Variants in LTBP1 observed in about 807,000 individuals in gnomAD.
LTBP1 encodes the protein latent transforming growth factor beta binding protein 1.
LTBP1 carries 129 observed loss-of-function variants against 207.6 expected under a neutral mutation model. The ratio of observed to expected loss-of-function variants is 0.62; its 90% CI spans 0.54 to 0.72. LTBP1 has a LOEUF of 0.72. Among genes scored for constraint, LTBP1 ranks in the 30% least tolerant of loss-of-function variants. The probability of loss-of-function intolerance (pLI) is 0.00; values close to 1 mark genes in which losing one functional copy is unlikely to be tolerated. For missense variants in LTBP1, 2,281 were observed against 2,217.2 expected, an observed-to-expected ratio of 1.03 and a Z score of -0.58; for synonymous variants, 963 against 833.7, an observed-to-expected ratio of 1.16 and a Z score of -2.67.
At position 33,368,513 on chromosome 2, in the gene LTBP1, T is replaced by A. The variant is rs1478129763; in HGVS notation, c.4711+3010T>A. ...TGCAATGAACCTCCATGTATGCGTC[T>A]GCAGGAATGGCTTAGTAAGAAAATT... On this transcript the variant is annotated intron_variant, in intron 31 of 33. Transcript: ENST00000404816. Among the ~76,000 whole-genome samples, 3 of 152,242 alleles carry A rather than the reference T, an allele frequency of 2.0e-5. No homozygotes were observed. The South Asian group carries it at 6.2e-4, about 32-fold the overall frequency.
intron 5 of LTBP1, among the ~76,000 whole-genome samples, chr2:33,172,232 C>T (rs1250228425): frequency 6.6e-6 from 1 of 152,152 alleles, no homozygotes; most frequent in African/African-American, 2.4e-5. Flanking sequence ...AGTCAAGACC[C>T]ATCAGTGTGC....
intron 3 of LTBP1, among the ~76,000 whole-genome samples, chr2:33,071,501 C>T (rs1258413525): frequency 1.3e-5 from 2 of 152,066 alleles, no homozygotes; most frequent in Non-Finnish European, 2.9e-5. Flanking sequence ...TTAGAGGCTG[C>T]CTTGCACAGC....
chr2:32,979,917 A>G (rs927091967), intron 2 of LTBP1, among the ~76,000 whole-genome samples: 2 of 152,028 alleles, frequency 1.3e-5, no homozygotes, highest in Non-Finnish European at 2.9e-5. Context: ...TTATATCCCT[A>G]TATAATGACT....
At chr2:33,018,318 C>T (rs2038535) in intron 2 of LTBP1, among the ~76,000 whole-genome samples, 2 of 151,930 alleles carry the variant, frequency 1.3e-5, no homozygotes, top group Admixed American at 6.6e-5. Context: ...TTGGCCTCCC[C>T]CTAGGTGCCA....
Position 33,188,172 on chromosome 2 carries a change from G to A in LTBP1, c.1427-405G>A, listed in dbSNP as rs191409963. ...ACGGTGGCTCACGCCTGTAATCCCAGCACTTTGGGAGGCCAAGGCAGGCGG... is the reference window on the plus strand; with the variant it reads ...ACGGTGGCTCACGCCTGTAATCCCAACACTTTGGGAGGCCAAGGCAGGCGG... On this transcript the variant is annotated intron_variant, in intron 6 of 33. Coordinates refer to ENST00000404816, the MANE Select transcript of LTBP1 (RefSeq NM_206943.4). 2.8e-3 allele frequency among the ~76,000 whole-genome samples: 423 copies of A among 152,270 alleles called. 3 individuals carry two copies. Among genetic ancestry groups the A allele is most frequent in the African/African-American group, 9.9e-3 (411 of 41,558 alleles).
At chr2:33,393,112 C>T (rs1394130967) in intron 32 of LTBP1, among the ~76,000 whole-genome samples, 1 of 151,764 alleles carries the variant, frequency 6.6e-6, no homozygotes. Context: ...GGCAACATGT[C>T]ATGGGGGTTA....
chr2:33,111,197 G>C (rs968048326), intron 4 of LTBP1, among the ~76,000 whole-genome samples: 1 of 152,158 alleles, frequency 6.6e-6, no homozygotes, highest in African/African-American at 2.4e-5. Context: ...CTAGTTTTTA[G>C]TGTATCAAGC....
At chr2:33,122,034 C>T (rs147082020) in intron 4 of LTBP1, among the ~76,000 whole-genome samples, 2 of 151,720 alleles carry the variant, frequency 1.3e-5, no homozygotes, top group Admixed American at 1.3e-4. Flanking sequence ...ACCCTGCCCC[C>T]CTCCACACAC....
At chr2:33,261,732 A>G (rs1490824277) in intron 13 of LTBP1, among the ~76,000 whole-genome samples, 1 of 152,210 alleles carries the variant, frequency 6.6e-6, no homozygotes, top group African/African-American at 2.4e-5. Context: ...GGCTGGAGGT[A>G]TCTGTGGGAT....
intron 15 of LTBP1, among the ~76,000 whole-genome samples, chr2:33,265,558 A>C (rs1487978828): frequency 6.6e-6 from 1 of 152,208 alleles, no homozygotes; most frequent in East Asian, 1.9e-4. Flanking sequence ...ATATAGCAGG[A>C]AGTAGTCATA....
intron 2 of LTBP1, among the ~76,000 whole-genome samples, chr2:32,980,166 GTTGTTA>G (rs1267186818): frequency 6.6e-6 from 1 of 151,996 alleles, no homozygotes; most frequent in African/African-American, 2.4e-5. Flanking sequence ...TACATTCAGT[GTTGTTA>G]TTGTTAAGTA....
chr2:33,078,309 G>C (rs2078193643), intron 3 of LTBP1, among the ~76,000 whole-genome samples: 1 of 152,186 alleles, frequency 6.6e-6, no homozygotes, highest in African/African-American at 2.4e-5. Flanking sequence ...ATTCTGGAGG[G>C]TGGAGTTGAC....
intron 5 of LTBP1, among the ~76,000 whole-genome samples, chr2:33,149,251 A>AG (rs2083321824): frequency 4.7e-5 from 7 of 150,366 alleles, no homozygotes; most frequent in Non-Finnish European, 1.0e-4. Context: ...AAAAAAAAAA[A>AG]AAAAGAGAGG....
At chr2:33,197,766 G>C (rs556964694) in intron 7 of LTBP1, among the ~76,000 whole-genome samples, 2 of 152,240 alleles carry the variant, frequency 1.3e-5, no homozygotes, top group East Asian at 3.9e-4. Context: ...TCACAGTATA[G>C]AGTTCAGGGT....
At chr2:33,310,046 C>T (rs1398083303) in intron 23 of LTBP1, among the ~76,000 whole-genome samples, 2 of 151,174 alleles carry the variant, frequency 1.3e-5, no homozygotes, top group Non-Finnish European at 2.9e-5. Flanking sequence ...CTCCCAGGTT[C>T]AAGCGATTCT....
intron 2 of LTBP1, among the ~76,000 whole-genome samples, chr2:32,983,682 T>C (rs866723988): frequency 3.9e-5 from 6 of 152,340 alleles, no homozygotes; most frequent in Admixed American, 6.5e-5. Context: ...TCAGGAGATC[T>C]GATGGTTTTA....
chr2:33,243,799 C>G lies in LTBP1; in HGVS notation c.1999+15C>G, dbSNP rs749443395. ...AAGTTGTGTTCGTAAGTAATAATCA[C>G]TTTTTATTCCTGTTTTGGATTAATT... is the stretch of plus-strand genomic sequence containing the variant. On this transcript the variant is annotated intron_variant, in intron 10 of 33. Coordinates refer to ENST00000404816, the MANE Select transcript of LTBP1 (RefSeq NM_206943.4). 6.2e-7 allele frequency: 1 copy of G among 1,613,324 alleles called. No individual in the cohort carries two copies. Among genetic ancestry groups the G allele is most frequent in the East Asian group, 2.2e-5 (1 of 44,850 alleles).
At chr2:33,244,513 A>G (rs1027263937) in intron 10 of LTBP1, among the ~76,000 whole-genome samples, 7 of 152,216 alleles carry the variant, frequency 4.6e-5, no homozygotes, top group Admixed American at 4.6e-4. Flanking sequence ...AATCCATGTA[A>G]TCACTACAGA....
chr2:33,258,763 G>A (rs1357204354), intron 12 of LTBP1, among the ~76,000 whole-genome samples: 1 of 152,122 alleles, frequency 6.6e-6, no homozygotes, highest in South Asian at 2.1e-4. Flanking sequence ...ATTTTACTTT[G>A]TCTGGTACCC....
Sources: allele counts gnomAD v4.1 joint callset (sites outside exome capture counted in the v4.1 genomes callset), GRCh38; gene constraint gnomAD v4.1.1; transcripts MANE v1.5; gene names NCBI Gene and HGNC (gene_info 2026-07-23, HGNC 2026-07-21).